UBE2E2: variants seen among roughly 807,000 people sequenced by gnomAD.
UBE2E2 encodes the protein ubiquitin-conjugating enzyme E2 E2.
A neutral mutation model predicts 24.7 loss-of-function variants in UBE2E2; 6 were observed. That is an observed-to-expected ratio of 0.24 (90% CI 0.13 to 0.48). UBE2E2 has a LOEUF of 0.48. Among genes scored for constraint, UBE2E2 ranks in the 20% least tolerant of loss-of-function variants. The pLI is 0.99. For synonymous variants in UBE2E2, 104 were observed against 83.6 expected, an observed-to-expected ratio of 1.24 and a Z score of -1.33; for missense variants, 169 against 245.0, an observed-to-expected ratio of 0.69 and a Z score of 2.07.
intron 2 of UBE2E2, among the ~76,000 whole-genome samples, chr3:23,212,465 A>G (rs1209683851): frequency 1.3e-5 from 2 of 152,162 alleles, no homozygotes; most frequent in African/African-American, 2.4e-5. Flanking sequence ...TCTTCTTTGA[A>G]TTTATTCTGC....
At chr3:23,291,562 C>T (rs1262444675) in intron 3 of UBE2E2, among the ~76,000 whole-genome samples, 2 of 152,070 alleles carry the variant, frequency 1.3e-5, no homozygotes, top group African/African-American at 4.8e-5. Context: ...AGAAAATAAC[C>T]ACCTTCACAG....
intron 3 of UBE2E2, among the ~76,000 whole-genome samples, chr3:23,330,569 T>C (rs368577296): frequency 2.5e-4 from 38 of 152,198 alleles, no homozygotes; most frequent in East Asian, 7.7e-4. Flanking sequence ...TGTCCCCTAA[T>C]TGAGTCACTT....
At chr3:23,424,813 G>A (rs1697885783) in intron 3 of UBE2E2, among the ~76,000 whole-genome samples, 1 of 152,060 alleles carries the variant, frequency 6.6e-6, no homozygotes, top group Non-Finnish European at 1.5e-5. Flanking sequence ...TTTATAACTG[G>A]TAGCGTTTAT....
chr3:23,562,694 G>A (rs1453304036), intron 5 of UBE2E2, among the ~76,000 whole-genome samples: 1 of 152,092 alleles, frequency 6.6e-6, no homozygotes, highest in Non-Finnish European at 1.5e-5. Flanking sequence ...GAATCCATTT[G>A]GTCCTGGACT....
intron 5 of UBE2E2, among the ~76,000 whole-genome samples, chr3:23,578,187 C>G (rs896622416): frequency 3.9e-4 from 60 of 151,978 alleles, no homozygotes; most frequent in African/African-American, 1.4e-3. Context: ...TGAAAAAAAG[C>G]TCAAAATCAC....
At chr3:23,446,132 T>C (rs1337287700) in intron 3 of UBE2E2, among the ~76,000 whole-genome samples, 3 of 152,204 alleles carry the variant, frequency 2.0e-5, no homozygotes, top group Admixed American at 6.5e-5. Flanking sequence ...GAAACTGGCA[T>C]CCTTCGGGGT....
intron 3 of UBE2E2, among the ~76,000 whole-genome samples, chr3:23,458,039 C>T (rs1575643293): frequency 1.3e-5 from 2 of 152,242 alleles, no homozygotes; most frequent in East Asian, 1.9e-4. Context: ...TTCTCTTTTG[C>T]ATTCACAACT....
intron 3 of UBE2E2, among the ~76,000 whole-genome samples, chr3:23,395,934 T>C (rs1356067278): frequency 6.6e-6 from 1 of 152,182 alleles, no homozygotes; most frequent in Non-Finnish European, 1.5e-5. Context: ...TTCATGCAAC[T>C]CAATTAAATT....
At chr3:23,421,702 G>A (rs143026271) in intron 3 of UBE2E2, among the ~76,000 whole-genome samples, 8 of 152,172 alleles carry the variant, frequency 5.3e-5, no homozygotes, top group Non-Finnish European at 8.8e-5. Context: ...CACCATACCT[G>A]GCCTGGAGGC....
chr3:23,445,128 A>G (rs1234377350), intron 3 of UBE2E2, among the ~76,000 whole-genome samples: 1 of 152,146 alleles, frequency 6.6e-6, no homozygotes, highest in Non-Finnish European at 1.5e-5. Flanking sequence ...TAGCTTTTCA[A>G]CATTGGTGAG....
intron 3 of UBE2E2, among the ~76,000 whole-genome samples, chr3:23,255,635 A>T (rs995801980): frequency 5.9e-5 from 9 of 152,204 alleles, no homozygotes; most frequent in Admixed American, 2.6e-4. Flanking sequence ...GGAAGTGATC[A>T]GTCTAAGCTC....
chr3:23,429,334 A>C (rs1054249755), intron 3 of UBE2E2, among the ~76,000 whole-genome samples: 1 of 152,220 alleles, frequency 6.6e-6, no homozygotes, highest in Non-Finnish European at 1.5e-5. Flanking sequence ...CATTGCAAGA[A>C]AAGAAAACTA....
At chr3:23,512,462 C>G (rs551495272) in intron 4 of UBE2E2, among the ~76,000 whole-genome samples, 1 of 152,174 alleles carries the variant, frequency 6.6e-6, no homozygotes, top group South Asian at 2.1e-4. Context: ...TCAACCAGTC[C>G]TCCTGAGCTC....
chr3:23,278,379 T>C (rs932468355), intron 3 of UBE2E2, among the ~76,000 whole-genome samples: 10 of 152,186 alleles, frequency 6.6e-5, no homozygotes, highest in African/African-American at 2.4e-4. Context: ...TTTTATGGTA[T>C]ATTAACCCCA....
At chr3:23,287,195 T>C (rs1450162911) in intron 3 of UBE2E2, among the ~76,000 whole-genome samples, 1 of 152,226 alleles carries the variant, frequency 6.6e-6, no homozygotes, top group East Asian at 1.9e-4. Flanking sequence ...GTTTTTGTCC[T>C]TCAATCTGTT....
intron 5 of UBE2E2, among the ~76,000 whole-genome samples, chr3:23,548,893 A>G (rs73045614): frequency 0.11 from 16,495 of 152,182 alleles, 1,169 homozygotes; most frequent in Middle Eastern, 0.2. Flanking sequence ...TCATGTGCCA[A>G]GTTGGTGGCT....
chr3:23,268,003 C>G (rs1447838433), intron 3 of UBE2E2, among the ~76,000 whole-genome samples: 3 of 151,834 alleles, frequency 2.0e-5, no homozygotes, highest in Admixed American at 6.6e-5. Flanking sequence ...CAAAATTCAA[C>G]AACTCTTCAT....
At chr3:23,492,858 A>G (rs1482222710) in intron 3 of UBE2E2, among the ~76,000 whole-genome samples, 1 of 152,182 alleles carries the variant, frequency 6.6e-6, no homozygotes, top group Non-Finnish European at 1.5e-5. Flanking sequence ...TAAATATCCT[A>G]GTAGCCACAT....
At chr3:23,332,707 G>T (rs1021889292) in intron 3 of UBE2E2, among the ~76,000 whole-genome samples, 12 of 150,746 alleles carry the variant, frequency 8.0e-5, no homozygotes, top group African/African-American at 2.9e-4. Flanking sequence ...GTGTGTGTGT[G>T]TGTGTGTGTG....
Sources: allele counts gnomAD v4.1 joint callset (sites outside exome capture counted in the v4.1 genomes callset), GRCh38; gene constraint gnomAD v4.1.1; transcripts MANE v1.5; gene names NCBI Gene and HGNC (gene_info 2026-07-23, HGNC 2026-07-21).